Variants in BOP1 observed in about 807,000 individuals in gnomAD.
BOP1 encodes ribosome biogenesis protein BOP1.
A neutral mutation model predicts 82.9 loss-of-function variants in BOP1; 54 were observed. The ratio of observed to expected loss-of-function variants is 0.65; its 90% CI spans 0.52 to 0.82. The LOEUF (loss-of-function observed/expected upper bound fraction) is 0.82, where lower values mean the gene tolerates loss of function less well. Ranked by LOEUF, BOP1 falls within the 40% of genes least tolerant of loss-of-function variation. The pLI is 0.00. For missense variants in BOP1, 1,170 were observed against 1,072.0 expected (o/e 1.09, Z -1.28); for synonymous variants, 566 against 451.1 (o/e 1.25, Z -3.23).
chr8:144,262,357 A>G, intron 15 of BOP1, 39 bp downstream of exon 15: 1 of 1,612,662 alleles, frequency 6.2e-7, no homozygotes, highest in African/African-American at 1.3e-5. Flanking sequence ...GCCAGACACC[A>G]CTGCCCTGGG....
chr8:144,263,298 A>AG lies in BOP1; in HGVS notation c.1527dup (p.Gln511AlafsTer123), dbSNP rs1554836794. The AG allele has an allele frequency of 3.8e-6, 6 of 1,594,110 alleles. No homozygotes were observed. The highest frequency in any genetic ancestry group is 1.3e-5 in the African/African-American group (1 of 74,830). Reference sequence around the variant, plus strand: ...GCCTCCAGCCAGCGGGCCGGCTGCAAGGGGGGCTCCTCAGGCGGGACGAAG... The same window carrying AG: ...GCCTCCAGCCAGCGGGCCGGCTGCAAGGGGGGGCTCCTCAGGCGGGACGAAG... On this transcript the variant is annotated frameshift_variant, in exon 12 of 16. Coordinates refer to ENST00000569669, the MANE Select transcript of BOP1 (RefSeq NM_015201.5). LOFTEE classifies it high-confidence loss of function.
At chr8:144,289,072 G>A (rs370442661) in intron 2 of BOP1, 23 bp downstream of exon 2, 105 of 1,613,054 alleles carry the variant, frequency 6.5e-5, no homozygotes, top group East Asian at 5.3e-4. Context: ...GACAGCCCTC[G>A]AGGGGGCTCC....
In BOP1 at chr8:144,278,102, G is replaced by C. The variant is rs977420903; in HGVS notation, c.310-1798C>G. Among the ~76,000 whole-genome samples, 26 of 152,300 alleles carry C rather than the reference G, an allele frequency of 1.7e-4. No individual in the cohort carries two copies. The South Asian group carries it at 2.9e-3, about 17-fold the overall frequency. The stretch of plus-strand genomic sequence containing the variant: ...TGCGTGGCCTGACTGAGGAGGGGTC[G>C]GGCCCGATGGAGCACGAGAGTTGCG... On this transcript the variant is annotated intron_variant, in intron 2 of 15. Transcript: ENST00000569669.
chr8:144,264,087 C>T lies in BOP1; in HGVS notation c.1034G>A (p.Arg345His), dbSNP rs1017931750. ...CACGGCCCGCAGGCTCGGGAACTTG[C>T]GTGGCAAAAAGCTCAGCTTCCTCTC... ...PGERKLSFLP[R>H]KFPSLRAVPA... is the part of the protein sequence containing the mutation. Residue 345 changes from arginine (R) to histidine (H), a missense_variant, in exon 8 of 16, where the codon CGC becomes CAC. Arg to His is a conservative substitution (Grantham distance 29, BLOSUM62 0). Coordinates refer to ENST00000569669, the MANE Select transcript of BOP1 (RefSeq NM_015201.5). 54 of 1,609,996 alleles carry T rather than the reference C, an allele frequency of 3.4e-5. 1 individual carries two copies. The highest frequency in any genetic ancestry group is 1.3e-4 in the Admixed American group (8 of 59,842).
intron 3 of BOP1, among the ~76,000 whole-genome samples, chr8:144,271,860 A>G (rs938329620): frequency 1.3e-5 from 2 of 152,086 alleles, no homozygotes; most frequent in African/African-American, 4.8e-5. Context: ...GGCTGGGCAC[A>G]CAGCTCGGCC....
At chr8:144,271,919 G>A (rs1468428350) in intron 3 of BOP1, among the ~76,000 whole-genome samples, 2 of 152,102 alleles carry the variant, frequency 1.3e-5, no homozygotes, top group African/African-American at 4.8e-5. Context: ...TGACCCAGGG[G>A]TCCTTGCACC....
intron 3 of BOP1, chr8:144,266,696 G>A (rs1845375841): frequency 2.3e-5 from 28 of 1,238,698 alleles, no homozygotes; most frequent in Non-Finnish European, 2.9e-5. Context: ...GACGAGGACC[G>A]CGGCAGCGAC....
chr8:144,273,566 T>A (rs868917855), intron 3 of BOP1, among the ~76,000 whole-genome samples: 1 of 152,304 alleles, frequency 6.6e-6, no homozygotes, highest in African/African-American at 2.4e-5. Context: ...CTGCATCCTC[T>A]GCCTGAGCAG....
At chr8:144,274,170 A>C (rs1845535518) in intron 3 of BOP1, among the ~76,000 whole-genome samples, 3 of 151,456 alleles carry the variant, frequency 2.0e-5, no homozygotes, top group African/African-American at 7.4e-5. Context: ...TCCAGCTGAG[A>C]TCGCCGCTCG....
chr8:144,289,916 G>A (rs547631969), intron 1 of BOP1, among the ~76,000 whole-genome samples: 2 of 152,278 alleles, frequency 1.3e-5, no homozygotes, highest in African/African-American at 2.4e-5. Context: ...GACTCTAACC[G>A]CAACCACGCA....
intron 3 of BOP1, chr8:144,266,674 C>G (rs1564596077): frequency 1.6e-6 from 2 of 1,261,896 alleles, no homozygotes; most frequent in Admixed American, 3.0e-5. Flanking sequence ...CGAGGTGAGC[C>G]CGCTGTCGGA....
intron 3 of BOP1, among the ~76,000 whole-genome samples, chr8:144,273,011 G>A (rs1389394233): frequency 1.3e-5 from 2 of 152,228 alleles, no homozygotes; most frequent in East Asian, 1.9e-4. Flanking sequence ...AGGCGGCCGC[G>A]GGGGTGGATG....
chr8:144,274,315 G>T (rs1348160034), intron 3 of BOP1, among the ~76,000 whole-genome samples: 1 of 152,184 alleles, frequency 6.6e-6, no homozygotes, highest in African/African-American at 2.4e-5. Context: ...CCATGGTCCT[G>T]GTGCCACGGC....
At chr8:144,279,525 G>C (rs964315902) in intron 2 of BOP1, among the ~76,000 whole-genome samples, 11 of 152,206 alleles carry the variant, frequency 7.2e-5, no homozygotes, top group African/African-American at 2.7e-4. Flanking sequence ...CCATCTATCA[G>C]GCCTGGTTTA....
At chr8:144,290,913 C>A (rs1231498482) in intron 1 of BOP1, among the ~76,000 whole-genome samples, 1 of 152,236 alleles carries the variant, frequency 6.6e-6, no homozygotes, top group African/African-American at 2.4e-5. Context: ...TCATGTCTAT[C>A]CCATGAGCAT....
chr8:144,283,380 T>C (rs1374864892), intron 2 of BOP1, among the ~76,000 whole-genome samples: 2 of 152,120 alleles, frequency 1.3e-5, no homozygotes, highest in African/African-American at 4.8e-5. Flanking sequence ...GCCATGAGGG[T>C]TTCCAGCCAG....
At chr8:144,262,347 G>C in intron 15 of BOP1, 30 bp from the exon 16 acceptor site, 1 of 1,612,714 alleles carries the variant, frequency 6.2e-7, no homozygotes, top group Non-Finnish European at 8.5e-7. Flanking sequence ...TCAGGGCACG[G>C]CCAGACACCA....
intron 2 of BOP1, among the ~76,000 whole-genome samples, chr8:144,285,897 G>T (rs1165748970): frequency 2.6e-5 from 4 of 152,242 alleles, no homozygotes; most frequent in Admixed American, 2.0e-4. Context: ...GGATGACACA[G>T]AAACAGGCCT....
At chr8:144,277,605 C>T (rs1318775835) in intron 2 of BOP1, among the ~76,000 whole-genome samples, 8 of 152,278 alleles carry the variant, frequency 5.3e-5, no homozygotes, top group Non-Finnish European at 1.0e-4. Context: ...TGTCACCCAG[C>T]GCTCTGTGCC....
Sources: allele counts gnomAD v4.1 joint callset (sites outside exome capture counted in the v4.1 genomes callset), GRCh38; gene constraint gnomAD v4.1.1; transcripts MANE v1.5; gene names NCBI Gene and HGNC (gene_info 2026-07-23, HGNC 2026-07-21).